Variants in CPNE7 observed in about 807,000 individuals in gnomAD.
CPNE7 encodes copine-7.
In CPNE7, 78 loss-of-function variants were observed where a neutral mutation model predicts 66.5. The ratio of observed to expected loss-of-function variants is 1.17; its 90% CI spans 0.98 to 1.42. The LOEUF is 1.42. Among genes scored for constraint, CPNE7 ranks in the 40% most tolerant of loss-of-function variants. The pLI is 0.00. For missense variants in CPNE7, 1,012 were observed against 776.6 expected (o/e 1.30, Z -3.60); for synonymous variants, 468 against 336.7 (o/e 1.39, Z -4.27).
intron 2 of CPNE7, among the ~76,000 whole-genome samples, chr16:89,578,657 G>A (rs577475085): frequency 3.3e-5 from 5 of 151,936 alleles, no homozygotes; most frequent in South Asian, 2.1e-4. Flanking sequence ...CTACTCTGGA[G>A]GCTGAGGCAG....
intron 13 of CPNE7, chr16:89,594,135 C>G (rs1242054832): frequency 6.6e-6 from 1 of 152,080 alleles, no homozygotes; most frequent in Non-Finnish European, 1.5e-5. Flanking sequence ...GGACACGAAG[C>G]TCCCGCCCTA....
At position 89,577,732 on chromosome 16, in the gene CPNE7, C is replaced by T. The variant is rs779185992; in HGVS notation, c.357+11C>T. 5.7e-6 allele frequency: 9 copies of T among 1,578,476 alleles called. No individual in the cohort carries two copies. The South Asian group carries it at 5.8e-5, about 10-fold the overall frequency. On this transcript the variant is annotated intron_variant, in intron 2 of 14. Coordinates refer to ENST00000319518, the MANE Select transcript of CPNE7 (RefSeq NM_153636.3). Reference sequence around the variant, plus strand: ...TGCACCCTGGGGCAGGTGGGTGCCCCGTCCCCTCGGAGGGAGGAGGACGGT... The same window carrying T: ...TGCACCCTGGGGCAGGTGGGTGCCCTGTCCCCTCGGAGGGAGGAGGACGGT...
At chr16:89,591,372 C>A in intron 13 of CPNE7, 112 bp downstream of exon 13, 1 of 1,396,300 alleles carries the variant, frequency 7.2e-7, no homozygotes, top group Non-Finnish European at 9.4e-7. Flanking sequence ...GCAGAGGCCC[C>A]CAGGCAGGAC....
rs761187628 is a variant in CPNE7, at chr16:89,596,545, A to G, written c.1601A>G (p.Tyr534Cys). ...GAGGTCCCGAAGCAGGTGGTGGAGTACTACAGCCACAGAGGCCTGCCCCCG... is the reference window on the plus strand; with the variant it reads ...GAGGTCCCGAAGCAGGTGGTGGAGTGCTACAGCCACAGAGGCCTGCCCCCG... ...LAEVPKQVVE[Y>C]YSHRGLPPRS... Residue 534 changes from tyrosine (Y) to cysteine (C), a missense_variant, in exon 15 of 15, where the codon TAC becomes TGC. Transcript: ENST00000319518. The G allele has an allele frequency of 8.1e-6, 13 of 1,609,692 alleles. No homozygotes were observed. The highest frequency in any genetic ancestry group is 1.1e-5 in the South Asian group (1 of 91,068).
intron 2 of CPNE7, among the ~76,000 whole-genome samples, chr16:89,578,039 T>C (rs1287777844): frequency 6.6e-6 from 1 of 150,606 alleles, no homozygotes; most frequent in East Asian, 1.9e-4. Context: ...GCCTATCACT[T>C]TTCCTCTTTT....
chr16:89,578,915 C>T, intron 2 of CPNE7: 1 of 1,613,936 alleles, frequency 6.2e-7, no homozygotes, highest in South Asian at 1.1e-5. Context: ...GTGCTGGGCC[C>T]TGCTGGACAC....
intron 2 of CPNE7, among the ~76,000 whole-genome samples, chr16:89,580,695 A>C (rs2058941253): frequency 7.9e-6 from 1 of 126,672 alleles, no homozygotes. Flanking sequence ...GGAACATCTC[A>C]CCTGTCACAC....
rs370294136 is a variant in CPNE7 at position 89,587,012 on chromosome 16, G to C, written c.868-31G>C. 13 of 1,565,456 alleles carry C rather than the reference G, an allele frequency of 8.3e-6. No individual in the cohort carries two copies. The African/African-American group carries it at 9.5e-5, about 11-fold the overall frequency. On this transcript the variant is annotated intron_variant, in intron 8 of 14. Coordinates refer to ENST00000319518, the MANE Select transcript of CPNE7 (RefSeq NM_153636.3). ...TGGCACTGGCCTCAGTGTCCCTGGC[G>C]GGGGTGGACGCTGACTCCGCCGGCC...
intron 2 of CPNE7, among the ~76,000 whole-genome samples, chr16:89,581,683 C>T (rs1041759714): frequency 6.6e-6 from 1 of 152,150 alleles, no homozygotes; most frequent in Non-Finnish European, 1.5e-5. Context: ...CTCACTCTGC[C>T]GCCCAGGCTG....
At chr16:89,586,512 C>T (rs1459232876) in intron 7 of CPNE7, among the ~76,000 whole-genome samples, 158 bp from the exon 8 acceptor site, 1 of 151,828 alleles carries the variant, frequency 6.6e-6, no homozygotes, top group African/African-American at 2.4e-5. Flanking sequence ...CCGTATGACC[C>T]ACTCTGCCCC....
intron 11 of CPNE7, among the ~76,000 whole-genome samples, chr16:89,590,295 C>T (rs567488574): frequency 3.7e-4 from 56 of 152,274 alleles, no homozygotes; most frequent in East Asian, 1.4e-3. Flanking sequence ...GAGGCCGAGG[C>T]GGGCCGATTA....
At chr16:89,596,130 A>G (rs1205706231) in intron 14 of CPNE7, among the ~76,000 whole-genome samples, 1 of 152,278 alleles carries the variant, frequency 6.6e-6, no homozygotes. Flanking sequence ...GTGACATTCT[A>G]CGCAGTGAAA....
In CPNE7 at chr16:89,584,727, C is replaced by T. The variant is rs775098018; in HGVS notation, c.508-47C>T. ...CGACAAAGCCAGCTCCCATCCAAAG[C>T]CCGATCTCACAGTGCCTGGCCCAGC... On this transcript the variant is annotated intron_variant, in intron 4 of 14. Coordinates refer to ENST00000319518, the MANE Select transcript of CPNE7 (RefSeq NM_153636.3). This position sits in a 1 kb window ranked among gnomAD's most constrained non-coding sequence, Gnocchi z 6.0. 5 of 1,446,480 alleles carry T rather than the reference C, an allele frequency of 3.5e-6. No individual in the cohort carries two copies. The highest frequency in any genetic ancestry group is 4.8e-6 in the Non-Finnish European group (5 of 1,034,368). The allele number at this position is 1,446,480 out of a possible 1,614,324, so 89.6% of individuals were successfully genotyped here. A position where few individuals can be genotyped will look rare whatever the true frequency, so the allele number is the denominator to read the frequency against.
chr16:89,594,373 G>C (rs2059219491), intron 13 of CPNE7, among the ~76,000 whole-genome samples: 1 of 152,108 alleles, frequency 6.6e-6, no homozygotes, highest in Non-Finnish European at 1.5e-5. Flanking sequence ...GAGAGGGGGA[G>C]ATGGGGAGGG....
chr16:89,589,796 A>C, intron 10 of CPNE7, 101 bp from the exon 11 acceptor site: 2 of 1,293,900 alleles, frequency 1.5e-6, no homozygotes, highest in Non-Finnish European at 2.2e-6. Context: ...AGGCCTGGGC[A>C]CCCCCAGTCT....
At chr16:89,583,512 A>G (rs2058987711) in intron 2 of CPNE7, 185 bp from the exon 3 acceptor site, 2 of 1,561,636 alleles carry the variant, frequency 1.3e-6, no homozygotes, top group East Asian at 2.4e-5. Context: ...AGGGGTGGCC[A>G]CACGCAGGGA....
chr16:89,578,813 C>T (rs1298488075), intron 2 of CPNE7: 5 of 1,556,618 alleles, frequency 3.2e-6, no homozygotes, highest in Non-Finnish European at 2.6e-6. Flanking sequence ...CCTACGGTGG[C>T]CACTGCTTCC....
chr16:89,586,012 A>C, intron 7 of CPNE7, among the ~76,000 whole-genome samples: 1 of 60,608 alleles, frequency 1.6e-5, no homozygotes, highest in Non-Finnish European at 3.1e-5. Flanking sequence ...GGGGGCCTCC[A>C]GGGAGGGGCA....
At position 89,577,621 on chromosome 16, in the gene CPNE7, T is replaced by C; in HGVS notation, c.257T>C (p.Val86Ala). Residue 86 changes from valine to alanine, a missense_variant, in exon 2 of 15, where the codon GTG becomes GCG. By Grantham distance (64) the Val-to-Ala change is moderately conservative. Coordinates refer to ENST00000319518, the MANE Select transcript of CPNE7 (RefSeq NM_153636.3). ...VFTVDYYFEE[V>A]QRLRFEVYDT... ...ACGGTGGACTACTACTTCGAGGAGG[T>C]GCAGAGGCTGCGCTTTGAGGTGTAC... The C allele has an allele frequency of 1.3e-6, 2 of 1,571,406 alleles. No homozygotes were observed. Among genetic ancestry groups the C allele is most frequent in the Non-Finnish European group, 1.7e-6 (2 of 1,157,922 alleles).
Sources: gnomAD v4.1 joint callset for allele counts (sites outside exome capture counted in the v4.1 genomes callset) on GRCh38, gnomAD v4.1.1 for gene constraint, Gnocchi (gnomAD v3.1) non-coding constraint, MANE v1.5 for transcripts, NCBI Gene and HGNC (gene_info 2026-07-23, HGNC 2026-07-21) for gene names.